Variants in DNAAF2 observed in about 807,000 individuals in gnomAD.
DNAAF2 encodes dynein axonemal assembly factor 2.
DNAAF2 carries 58 observed loss-of-function variants against 48.8 expected under a neutral mutation model. The ratio of observed to expected loss-of-function variants is 1.19; its 90% CI spans 0.96 to 1.48. The LOEUF is 1.48. DNAAF2 is among the 40% of genes most tolerant of loss of function. The pLI is 0.00. For missense variants in DNAAF2, 1,241 were observed against 1,116.1 expected (o/e 1.11, Z -1.59); for synonymous variants, 567 against 481.2 (o/e 1.18, Z -2.33).
chr14:49,630,756 C>CACACACACACACACT (rs1555327722), intron 1 of DNAAF2, among the ~76,000 whole-genome samples: 12 of 138,888 alleles, frequency 8.6e-5, no homozygotes, highest in Admixed American at 1.5e-4. Context: ...CACACACACA[C>CACACACACACACACT]TTTTTTTTTT....
rs1883210894 is a variant in DNAAF2, at chr14:49,633,232, T to G, written c.1863+55A>C. The G allele has an allele frequency of 8.2e-6, 13 of 1,588,834 alleles. No homozygotes were observed. The South Asian group carries it at 1.5e-4, about 18-fold the overall frequency. ...ACCGCGCCCGGCCGGTAATAGCAAA[T>G]TTTTAAAGTGAGATGGGATATTTCA... On this transcript the variant is annotated intron_variant, in intron 1 of 2. Coordinates refer to ENST00000298292, the MANE Select transcript of DNAAF2 (RefSeq NM_018139.3).
intron 1 of DNAAF2, among the ~76,000 whole-genome samples, chr14:49,631,799 G>C (rs928456706): frequency 1.3e-5 from 2 of 152,116 alleles, no homozygotes; most frequent in African/African-American, 2.4e-5. Flanking sequence ...TTCTGACCTT[G>C]AAAGCCACAT....
Position 49,634,814 on chromosome 14 carries a change from G to C in DNAAF2, c.336C>G (p.Gly112=), listed in dbSNP as rs768581485. The C allele has an allele frequency of 3.9e-6, 6 of 1,549,478 alleles. No homozygotes were observed. Among genetic ancestry groups the C allele is most frequent in the African/African-American group, 2.7e-5 (2 of 73,294 alleles). ...SSRPGSGGDR[G]AAPGSHWSLP... is the part of the protein sequence containing the mutation. ...GGGACCAGTGGCTGCCAGGAGCTGC[G>C]CCCCGGTCGCCACCGGAGCCGGGCC... Residue 112 remains glycine (G), a synonymous_variant, in exon 1 of 3, where the codon GGC becomes GGG. Coordinates refer to ENST00000298292, the MANE Select transcript of DNAAF2 (RefSeq NM_018139.3).
At chr14:49,628,334 A>G (rs906123544) in intron 1 of DNAAF2, among the ~76,000 whole-genome samples, 179 bp from the exon 2 acceptor site, 75 of 152,324 alleles carry the variant, frequency 4.9e-4, no homozygotes, top group African/African-American at 1.8e-3. Flanking sequence ...GTACAGAGCA[A>G]TAAGAGTTGT....
chr14:49,626,269 C>G lies in DNAAF2; in HGVS notation c.2008-221G>C, dbSNP rs568493198. On this transcript the variant is annotated intron_variant, in intron 2 of 2. Transcript: ENST00000298292. ...TTGGGATGCCAAGGCAGGCAGATCA[C>G]TTGAGGTCAGGAGTTCGAGACCAGC... Among the ~76,000 whole-genome samples, 15 of 152,252 alleles carry G rather than the reference C, an allele frequency of 9.9e-5. 1 individual carries two copies. The East Asian group carries it at 2.3e-3, about 24-fold the overall frequency.
At chr14:49,630,264 G>T (rs1037368266) in intron 1 of DNAAF2, among the ~76,000 whole-genome samples, 2 of 108,126 alleles carry the variant, frequency 1.8e-5, no homozygotes, top group African/African-American at 6.1e-5. Context: ...TAAATAATGA[G>T]GTAGATTTCA....
intron 2 of DNAAF2, among the ~76,000 whole-genome samples, chr14:49,627,038 G>C (rs1200629332): frequency 6.6e-6 from 1 of 151,524 alleles, no homozygotes; most frequent in African/African-American, 2.4e-5. Flanking sequence ...TCCTGACCTC[G>C]GGTGATCCGC....
At chr14:49,627,190 T>C (rs1883030518) in intron 2 of DNAAF2, among the ~76,000 whole-genome samples, 1 of 152,208 alleles carries the variant, frequency 6.6e-6, no homozygotes, top group South Asian at 2.1e-4. Flanking sequence ...CTTTTCAACA[T>C]GGTCTACAAA....
At chr14:49,627,427 T>C (rs1203468602) in intron 2 of DNAAF2, among the ~76,000 whole-genome samples, 1 of 152,234 alleles carries the variant, frequency 6.6e-6, no homozygotes, top group Non-Finnish European at 1.5e-5. Context: ...TCAAAAAAGA[T>C]TGTATGTCCC....
Position 49,633,414 on chromosome 14 carries a change from T to G in DNAAF2, c.1736A>C (p.Lys579Thr), listed in dbSNP as rs377351035. 4.2e-5 allele frequency: 67 copies of G among 1,613,944 alleles called. No homozygotes were observed. Among genetic ancestry groups the G allele is most frequent in the Non-Finnish European group, 5.4e-5 (64 of 1,179,916 alleles). Residue 579 changes from lysine to threonine, a missense_variant, in exon 1 of 3, where the codon AAA becomes ACA. By Grantham distance (78) the Lys-to-Thr change is moderately conservative. Transcript: ENST00000298292. ...SFFLQFAPEN[K>T]LSTTEPVISI... ...AATCACAGGTTCTGTGGTACTCAAT[T>G]TATTCTCTGGAGCAAATTGCAAAAA...
Position 49,634,008 on chromosome 14 carries a change from GC to G in DNAAF2, c.1141del (p.Ala381LeufsTer60), listed in dbSNP as rs1883250143. ...DRSGTDGQAC[A>X]SAREGEAGPA... The stretch of plus-strand genomic sequence containing the variant: ...TCCCGCCTCCCCCTCGCGAGCGGAA[GC>G]GCAGGCCTGGCCGTCAGTTCCGGAC... On this transcript the variant is annotated frameshift_variant, in exon 1 of 3. Transcript: ENST00000298292. LOFTEE classifies it high-confidence loss of function. 2.0e-6 allele frequency: 3 copies of G among 1,523,146 alleles called. No homozygotes were observed. In the South Asian group the frequency reaches 3.7e-5, roughly 19 times the overall value. The allele number at this position is 1,523,146 out of a possible 1,614,324, so 94.4% of individuals were successfully genotyped here.
At chr14:49,632,393 G>A (rs1261070402) in intron 1 of DNAAF2, among the ~76,000 whole-genome samples, 1 of 151,686 alleles carries the variant, frequency 6.6e-6, no homozygotes, top group Non-Finnish European at 1.5e-5. Flanking sequence ...GAAAAACGAG[G>A]GAAAAGTAAA....
At position 49,634,466 on chromosome 14, in the gene DNAAF2, G is replaced by T; in HGVS notation, c.684C>A (p.Tyr228Ter). 2 of 1,571,956 alleles carry T rather than the reference G, an allele frequency of 1.3e-6. No individual in the cohort carries two copies. Among genetic ancestry groups the T allele is most frequent in the Non-Finnish European group, 8.6e-7 (1 of 1,164,044 alleles). Residue 228 changes from tyrosine to a stop codon, truncating the protein, a stop_gained, in exon 1 of 3, where the codon TAC becomes TAA. Coordinates refer to ENST00000298292, the MANE Select transcript of DNAAF2 (RefSeq NM_018139.3). LOFTEE classifies it high-confidence loss of function. ...GGGGCCCGGGGGCTGCCGGGTACTG[G>T]TAAGGGTAGGGGAAGTCCGGGAGAG... ...KGPLPDFPYP[Y>*]QYPAAPGPRA... is the part of the protein sequence containing the mutation.
At chr14:49,630,711 TACAC>T (rs34629972) in intron 1 of DNAAF2, among the ~76,000 whole-genome samples, 57,246 of 119,746 alleles carry the variant, frequency 0.48, 13,801 homozygotes, top group Non-Finnish European at 0.62. Flanking sequence ...ATAAACTCTC[TACAC>T]ACACACACAC....
At position 49,627,902 on chromosome 14, in the gene DNAAF2, C is replaced by T. The variant is rs987784826; in HGVS notation, c.2007+110G>A. The T allele has an allele frequency of 4.3e-6, 5 of 1,166,058 alleles. No individual in the cohort carries two copies. The African/African-American group carries it at 6.5e-5, about 15-fold the overall frequency. 72.2% of individuals were successfully genotyped at this position (1,166,058 alleles called of 1,614,324 possible). ...TTTCTTCTCTTAACATCACTCTGCC[C>T]AACCATTATGTAAATTTTGTTTAAA... On this transcript the variant is annotated intron_variant, in intron 2 of 2. Coordinates refer to ENST00000298292, the MANE Select transcript of DNAAF2 (RefSeq NM_018139.3).
Position 49,634,441 on chromosome 14 carries a change from G to C in DNAAF2, c.709C>G (p.Arg237Gly). Residue 237 changes from arginine to glycine, a missense_variant, in exon 1 of 3, where the codon CGG (arginine) becomes GGG (glycine). By Grantham distance (125) the Arg-to-Gly change is moderately radical (BLOSUM62 -2). Transcript: ENST00000298292. ...GCCGCTTCCGGAGGGGAGGGCGCCC[G>C]GGGCCCGGGGGCTGCCGGGTACTGG... The part of the protein sequence containing the change: ...PYQYPAAPGP[R>G]APSPPEAALQ... 1 of 1,557,182 alleles carries C rather than the reference G, an allele frequency of 6.4e-7. No individual in the cohort carries two copies. Among genetic ancestry groups the C allele is most frequent in the Non-Finnish European group, 8.7e-7 (1 of 1,154,398 alleles).
At position 49,633,682 on chromosome 14, in the gene DNAAF2, T is replaced by C. The variant is rs367597118; in HGVS notation, c.1468A>G (p.Ser490Gly). 1.7e-5 allele frequency: 27 copies of C among 1,607,214 alleles called. No individual in the cohort carries two copies. In the African/African-American group the frequency reaches 2.9e-4, roughly 18 times the overall value. The change falls in exon 1 of 3, where the codon AGC (serine) becomes GGC (glycine). Residue 490 changes from serine (S) to glycine (G), a missense_variant. By Grantham distance (56) the Ser-to-Gly change is moderately conservative. Transcript: ENST00000298292. ...SAGRESARGD[S>G]SVETREESEG... ...GACTCCTCGCGTGTTTCCACACTGC[T>C]ATCTCCGCGCGCACTCTCTCTTCCC...
At position 49,634,817 on chromosome 14, in the gene DNAAF2, C is replaced by G; in HGVS notation, c.333G>C (p.Arg111=). 6.5e-7 allele frequency: 1 copy of G among 1,547,816 alleles called. No homozygotes were observed. The highest frequency in any genetic ancestry group is 1.4e-5 in the African/African-American group (1 of 73,342). ...PSSRPGSGGD[R]GAAPGSHWSL... ...ACCAGTGGCTGCCAGGAGCTGCGCC[C>G]CGGTCGCCACCGGAGCCGGGCCGGC... The change falls in exon 1 of 3, where the codon CGG becomes CGC. Residue 111 remains arginine, a synonymous_variant. Coordinates refer to ENST00000298292, the MANE Select transcript of DNAAF2 (RefSeq NM_018139.3).
In DNAAF2 at chr14:49,625,524, G is replaced by C. The variant is rs1347867828; in HGVS notation, c.*18C>G. The C allele has an allele frequency of 1.4e-6, 2 of 1,470,478 alleles. No individual in the cohort carries two copies. The highest frequency in any genetic ancestry group is 2.8e-5 in the African/African-American group (2 of 70,384). 91.1% of individuals were successfully genotyped at this position (1,470,478 alleles called of 1,614,324 possible). A position where few individuals can be genotyped will look rare whatever the true frequency, so the allele number is the denominator to read the frequency against. On this transcript the variant is annotated 3_prime_UTR_variant, in exon 3 of 3. Transcript: ENST00000298292. ...TATTTTTTAACCTTAATATTTAAAA[G>C]TCCAAAATTATATAGAATTAATCCA...
Sources: gnomAD v4.1 joint callset for allele counts (sites outside exome capture counted in the v4.1 genomes callset) on GRCh38, gnomAD v4.1.1 for gene constraint, MANE v1.5 for transcripts, NCBI Gene and HGNC (gene_info 2026-07-23, HGNC 2026-07-21) for gene names.